Variants in USP4 observed in about 807,000 individuals in gnomAD.
USP4 encodes the protein ubiquitin carboxyl-terminal hydrolase 4.
A neutral mutation model predicts 118.2 loss-of-function variants in USP4; 72 were observed. That is an observed-to-expected ratio of 0.61 (90% confidence interval 0.50 to 0.74). USP4 has a LOEUF of 0.74. Ranked by LOEUF, USP4 falls within the 30% of genes least tolerant of loss-of-function variation. The pLI, the probability that USP4 is intolerant of heterozygous loss-of-function variation, is 0.00. For synonymous variants in USP4, 415 were observed against 440.4 expected, an observed-to-expected ratio of 0.94 and a Z score of 0.72; for missense variants, 1,037 against 1,185.7, an observed-to-expected ratio of 0.87 and a Z score of 1.84.
intron 15 of USP4, among the ~76,000 whole-genome samples, chr3:49,291,185 C>A (rs528503118): frequency 6.6e-6 from 1 of 150,616 alleles, no homozygotes; most frequent in African/African-American, 2.4e-5. Flanking sequence ...AGGATAGTTT[C>A]GATCTCCTGA....
intron 20 of USP4, 32 bp downstream of exon 20, chr3:49,280,712 C>A (rs773649320): frequency 6.3e-7 from 1 of 1,580,144 alleles, no homozygotes; most frequent in Non-Finnish European, 8.7e-7. Flanking sequence ...CACATTTCAA[C>A]ATCTCAGAAG....
Position 49,327,695 on chromosome 3 carries a change from G to A in USP4, c.351C>T (p.Ile117=), listed in dbSNP as rs375989870. Residue 117 remains isoleucine, a synonymous_variant, in exon 3 of 22, where the codon ATC becomes ATT. Coordinates refer to ENST00000265560, the MANE Select transcript of USP4 (RefSeq NM_003363.4). ...WYGCVEGQQP[I]VRKVVEHGLF... ...AATTCACATAACTCACTTTTCTGAC[G>A]ATGGGTTGCTGGCCTTCTACACAGC... 8 of 1,613,924 alleles carry A rather than the reference G, an allele frequency of 5.0e-6. No individual in the cohort carries two copies. Among genetic ancestry groups the A allele is most frequent in the African/African-American group, 1.3e-5 (1 of 74,918 alleles).
intron 19 of USP4, among the ~76,000 whole-genome samples, chr3:49,282,525 C>T (rs1328575329): frequency 1.3e-5 from 2 of 152,102 alleles, no homozygotes; most frequent in East Asian, 3.9e-4. Context: ...AATTTGCCCA[C>T]CTCAGCCTCC....
rs1283552907 is a variant in USP4 at position 49,320,804 on chromosome 3, TC to T, written c.695+3897del. Among the ~76,000 whole-genome samples, 3 of 152,148 alleles carry T rather than the reference TC, an allele frequency of 2.0e-5. 1 individual carries two copies. The South Asian group carries it at 6.2e-4, about 32-fold the overall frequency. ...TCTAATTACCATACTTCTTATTTTT[TC>T]CCCCCTTCATTTTTGCCTTCCATTA... On this transcript the variant is annotated intron_variant, in intron 6 of 21. Coordinates refer to ENST00000265560, the MANE Select transcript of USP4 (RefSeq NM_003363.4).
chr3:49,318,244 C>T, intron 6 of USP4: 2 of 851,020 alleles, frequency 2.4e-6, no homozygotes, highest in African/African-American at 1.8e-5. Context: ...GCTGGGATTA[C>T]AGGCATGAGC....
intron 6 of USP4, among the ~76,000 whole-genome samples, chr3:49,315,359 T>A (rs562306484): frequency 3.3e-5 from 5 of 152,268 alleles, no homozygotes; most frequent in Admixed American, 3.3e-4. Context: ...TAAAAAATAC[T>A]CTATCTTTGA....
rs140278994 is a variant in USP4, at chr3:49,327,700, G to T, written c.346C>A (p.Pro116Thr). The change falls in exon 3 of 22, where the codon CCC becomes ACC. Residue 116 changes from proline (P) to threonine (T), a missense_variant. Pro to Thr is a conservative substitution (Grantham distance 38). Transcript: ENST00000265560. ...NWYGCVEGQQ[P>T]IVRKVVEHGL... Reference sequence around the variant, plus strand: ...ACATAACTCACTTTTCTGACGATGGGTTGCTGGCCTTCTACACAGCCGTAC... The same window carrying T: ...ACATAACTCACTTTTCTGACGATGGTTTGCTGGCCTTCTACACAGCCGTAC... 45 of 1,613,988 alleles carry T rather than the reference G, an allele frequency of 2.8e-5. No homozygotes were observed. In the Middle Eastern group the frequency reaches 8.2e-4, roughly 29 times the overall value.
intron 13 of USP4, 52 bp from the exon 14 acceptor site, chr3:49,294,650 C>A (rs533398104): frequency 1.9e-4 from 300 of 1,558,748 alleles, no homozygotes; most frequent in Non-Finnish European, 2.6e-4. Context: ...TTGTGAACAA[C>A]AGAGATCTGA....
intron 6 of USP4, chr3:49,316,957 C>T (rs892848242): frequency 1.6e-6 from 1 of 632,784 alleles, no homozygotes; most frequent in Admixed American, 2.7e-5. Context: ...AGGTTGGCAG[C>T]TGCCCCTCTT....
intron 14 of USP4, 126 bp downstream of exon 14, chr3:49,294,281 G>A (rs548410037): frequency 1.6e-5 from 17 of 1,092,806 alleles, no homozygotes; most frequent in Non-Finnish European, 1.7e-5. Flanking sequence ...CACTGCACCC[G>A]GCAAATGCAT....
chr3:49,278,249 G>T lies in USP4; in HGVS notation c.*44C>A, dbSNP rs1559461715. On this transcript the variant is annotated 3_prime_UTR_variant, in exon 22 of 22. Coordinates refer to ENST00000265560, the MANE Select transcript of USP4 (RefSeq NM_003363.4). ...AGAGTGTCAAAGATGTTCTCCTGGG[G>T]GATTACACTGGCGCTACAGGGTGGC... is the stretch of plus-strand genomic sequence containing the variant. 2.5e-6 allele frequency: 4 copies of T among 1,597,960 alleles called. No individual in the cohort carries two copies. Among genetic ancestry groups the T allele is most frequent in the Non-Finnish European group, 2.6e-6 (3 of 1,173,094 alleles).
At position 49,292,582 on chromosome 3, in the gene USP4, G is replaced by C; in HGVS notation, c.1900C>G (p.Pro634Ala). 3 of 1,594,524 alleles carry C rather than the reference G, an allele frequency of 1.9e-6. No homozygotes were observed. The highest frequency in any genetic ancestry group is 2.6e-6 in the Non-Finnish European group (3 of 1,170,816). ...GAGCTGCCAAACTCATCAGGTAAAG[G>C]CTGTTTCACATAGCGGCTTCAAAAA... is the stretch of plus-strand genomic sequence containing the variant. ...CDRISRYVKQ[P>A]LPDEFGSSPL... The change falls in exon 15 of 22, where the codon CCT (proline) becomes GCT (alanine). Residue 634 changes from proline (P) to alanine (A), a missense_variant. This residue lies in a region of USP4 where 522 missense variants were observed against 592.6 expected (regional missense o/e 0.88). Coordinates refer to ENST00000265560, the MANE Select transcript of USP4 (RefSeq NM_003363.4).
Position 49,340,000 on chromosome 3 carries a change from C to T in USP4, c.25G>A (p.Glu9Lys), listed in dbSNP as rs1559484275. The change falls in exon 1 of 22, where the codon GAG becomes AAG. Residue 9 changes from glutamate (E) to lysine (K), a missense_variant. This residue lies in a region of USP4 where 487 missense variants were observed against 534.1 expected (regional missense o/e 0.91). Coordinates refer to ENST00000265560, the MANE Select transcript of USP4 (RefSeq NM_003363.4). The part of the protein sequence containing the change: MAEGGGCR[E>K]RPDAETQKSE... ...TTCTGAGTCTCCGCATCCGGTCGCTCACGGCAGCCTCCACCTTCCGCCATC... is the reference window on the plus strand; with the variant it reads ...TTCTGAGTCTCCGCATCCGGTCGCTTACGGCAGCCTCCACCTTCCGCCATC... The T allele has an allele frequency of 1.9e-6, 3 of 1,610,402 alleles. No homozygotes were observed. The highest frequency in any genetic ancestry group is 4.5e-5 in the East Asian group (2 of 44,854).
intron 20 of USP4, among the ~76,000 whole-genome samples, chr3:49,280,437 T>C (rs1309677588): frequency 6.6e-6 from 1 of 151,596 alleles, no homozygotes; most frequent in Admixed American, 6.6e-5. Context: ...GGCGGGCGCC[T>C]GTAGTCCCAG....
chr3:49,281,996 T>A (rs1229992524), intron 19 of USP4, among the ~76,000 whole-genome samples: 7 of 150,300 alleles, frequency 4.7e-5, no homozygotes, highest in African/African-American at 1.7e-4. Flanking sequence ...GGCGACAGAG[T>A]GAGACACGGT....
In USP4 at chr3:49,278,912, C is replaced by A; in HGVS notation, c.2645-10G>T. On this transcript the variant is annotated splice_polypyrimidine_tract_variant and intron_variant, in intron 20 of 21. Coordinates refer to ENST00000265560, the MANE Select transcript of USP4 (RefSeq NM_003363.4). Reference sequence around the variant, plus strand: ...TTCGCATATGCAGTGTCTGCCAAGTCAACAAAGAAAATACTCTAGCGGTCT... The same window carrying A: ...TTCGCATATGCAGTGTCTGCCAAGTAAACAAAGAAAATACTCTAGCGGTCT... 1 of 1,595,648 alleles carries A rather than the reference C, an allele frequency of 6.3e-7. No homozygotes were observed. The highest frequency in any genetic ancestry group is 1.1e-5 in the South Asian group (1 of 89,012).
chr3:49,339,996 C>G lies in USP4; in HGVS notation c.29G>C (p.Arg10Pro), dbSNP rs757929395. Residue 10 changes from arginine to proline, a missense_variant, in exon 1 of 22, where the codon CGA (arginine) becomes CCA (proline). Transcript: ENST00000265560. MAEGGGCRE[R>P]PDAETQKSEL... is the part of the protein sequence containing the mutation. ...GGACTTCTGAGTCTCCGCATCCGGTCGCTCACGGCAGCCTCCACCTTCCGC... is the reference window on the plus strand; with the variant it reads ...GGACTTCTGAGTCTCCGCATCCGGTGGCTCACGGCAGCCTCCACCTTCCGC... The G allele has an allele frequency of 6.2e-7, 1 of 1,610,964 alleles. No individual in the cohort carries two copies. Among genetic ancestry groups the G allele is most frequent in the African/African-American group, 1.3e-5 (1 of 75,054 alleles).
In USP4 at chr3:49,292,718, C is replaced by T. The variant is rs571075536; in HGVS notation, c.1884-120G>A. On this transcript the variant is annotated intron_variant, in intron 14 of 21. Coordinates refer to ENST00000265560, the MANE Select transcript of USP4 (RefSeq NM_003363.4). ...ATATGGATGATAGCTACTGACAAAGCAATTTATGTAAATAGAAGTGCTTTA... is the reference window on the plus strand; with the variant it reads ...ATATGGATGATAGCTACTGACAAAGTAATTTATGTAAATAGAAGTGCTTTA... 1.8e-3 allele frequency: 1,179 copies of T among 653,928 alleles called. 21 individuals are homozygous for T. The South Asian group carries it at 0.018, about 10-fold the overall frequency. The allele number at this position is 653,928 out of a possible 1,614,324, so 40.5% of individuals were successfully genotyped here.
At chr3:49,319,494 C>A (rs1227856373) in intron 6 of USP4, among the ~76,000 whole-genome samples, 3 of 152,158 alleles carry the variant, frequency 2.0e-5, no homozygotes, top group South Asian at 2.1e-4. Flanking sequence ...TCGTGATGTG[C>A]CTGCCTCTGC....
Sources: gnomAD v4.1 joint callset for allele counts (sites outside exome capture counted in the v4.1 genomes callset) on GRCh38, gnomAD v4.1.1 for gene constraint, gnomAD v4.1.1 regional missense constraint, MANE v1.5 for transcripts, NCBI Gene and HGNC (gene_info 2026-07-23, HGNC 2026-07-21) for gene names.